Variants in CNTN5 observed in about 807,000 individuals in gnomAD.
The protein encoded by CNTN5 is contactin 5, also known as contactin-5.
CNTN5 carries 77 observed loss-of-function variants against 129.1 expected under a neutral mutation model. The observed-to-expected ratio is 0.60, with a 90% CI of 0.50 to 0.72. The LOEUF (loss-of-function observed/expected upper bound fraction) is 0.72, where lower values mean the gene tolerates loss of function less well. Ranked by LOEUF, CNTN5 falls within the 30% of genes least tolerant of loss-of-function variation. The pLI is 0.00. For missense variants in CNTN5, 1,478 were observed against 1,328.8 expected, an observed-to-expected ratio of 1.11 and a Z score of -1.75; for synonymous variants, 509 against 465.6, an observed-to-expected ratio of 1.09 and a Z score of -1.20.
intron 13 of CNTN5, among the ~76,000 whole-genome samples, chr11:100,142,174 G>C (rs1946716225): frequency 6.6e-6 from 1 of 152,098 alleles, no homozygotes; most frequent in Non-Finnish European, 1.5e-5. Flanking sequence ...CTGGTTCTGG[G>C]ACTTTCAGAC....
chr11:99,614,949 A>ATG (rs201480165), intron 3 of CNTN5, among the ~76,000 whole-genome samples: 13 of 151,052 alleles, frequency 8.6e-5, no homozygotes, highest in East Asian at 3.9e-4. Context: ...ACTGTTGTTT[A>ATG]TGTGTGTGTG....
At chr11:99,572,031 T>C (rs1434598971) in intron 3 of CNTN5, among the ~76,000 whole-genome samples, 1 of 152,226 alleles carries the variant, frequency 6.6e-6, no homozygotes, top group Non-Finnish European at 1.5e-5. Context: ...AATCATTACA[T>C]GGCCCATAGC....
intron 2 of CNTN5, among the ~76,000 whole-genome samples, chr11:99,488,639 G>T (rs778225186): frequency 1.4e-4 from 22 of 152,152 alleles, no homozygotes; most frequent in Non-Finnish European, 2.6e-4. Context: ...TCTGCATCCA[G>T]AACTAGTTAT....
chr11:100,268,594 TA>T (rs1460359387), intron 17 of CNTN5, among the ~76,000 whole-genome samples: 1 of 152,204 alleles, frequency 6.6e-6, no homozygotes, highest in Non-Finnish European at 1.5e-5. Flanking sequence ...GTTTTAGCTA[TA>T]TGGAGGTCAT....
At chr11:99,314,930 T>C (rs1272005614) in intron 1 of CNTN5, among the ~76,000 whole-genome samples, 1 of 148,406 alleles carries the variant, frequency 6.7e-6, no homozygotes, top group Non-Finnish European at 1.5e-5. Flanking sequence ...AAAAATTGCA[T>C]ATTCTTATTC....
intron 3 of CNTN5, among the ~76,000 whole-genome samples, chr11:99,702,331 T>C (rs1490071776): frequency 1.3e-5 from 2 of 150,956 alleles, no homozygotes; most frequent in Non-Finnish European, 3.0e-5. Flanking sequence ...GTTACTAGCC[T>C]TGTCACCAAC....
intron 3 of CNTN5, among the ~76,000 whole-genome samples, chr11:99,635,822 G>A (rs939784173): frequency 6.6e-6 from 1 of 152,028 alleles, no homozygotes; most frequent in Admixed American, 6.6e-5. Context: ...GGGGTTCACA[G>A]CTTTCAGTTT....
rs191186666 is a variant in CNTN5 at position 99,972,744 on chromosome 11, G to A, written c.877+15735G>A. ...TGCACCATCTGGACATACCTAGAGAGGGCCATCTTGTTTGTGGTATTTCCT... is the reference window on the plus strand; with the variant it reads ...TGCACCATCTGGACATACCTAGAGAAGGCCATCTTGTTTGTGGTATTTCCT... On this transcript the variant is annotated intron_variant, in intron 8 of 24. Transcript: ENST00000524871. 2.6e-5 allele frequency among the ~76,000 whole-genome samples: 4 copies of A among 152,264 alleles called. No individual in the cohort carries two copies. The East Asian group carries it at 7.7e-4, about 29-fold the overall frequency.
In CNTN5 at chr11:99,337,500, C is replaced by T. The variant is rs150157463; in HGVS notation, c.-71+12016C>T. Among the ~76,000 whole-genome samples, 978 of 152,310 alleles carry T rather than the reference C, an allele frequency of 6.4e-3. 6 individuals are homozygous for T. The highest frequency in any genetic ancestry group is 0.011 in the Non-Finnish European group (743 of 68,018). On this transcript the variant is annotated intron_variant, in intron 2 of 24. Transcript: ENST00000524871. Reference sequence around the variant, plus strand: ...CCGAATTAATTGCAGCAGGAACACGCCCTTAAGACACAGATTGCTCATACG... The same window carrying T: ...CCGAATTAATTGCAGCAGGAACACGTCCTTAAGACACAGATTGCTCATACG...
intron 3 of CNTN5, among the ~76,000 whole-genome samples, chr11:99,719,196 C>A (rs1367908088): frequency 1.3e-5 from 2 of 151,836 alleles, no homozygotes; most frequent in African/African-American, 4.8e-5. Context: ...GCACACACTT[C>A]TAGTCCCAGC....
chr11:99,233,017 C>G (rs1163478859), intron 1 of CNTN5, among the ~76,000 whole-genome samples: 1 of 152,064 alleles, frequency 6.6e-6, no homozygotes, highest in Non-Finnish European at 1.5e-5. Context: ...CTTTGTTCAG[C>G]CGAGGAGAGG....
intron 2 of CNTN5, among the ~76,000 whole-genome samples, chr11:99,535,280 TG>T (rs1184787715): frequency 2.6e-5 from 4 of 152,164 alleles, no homozygotes; most frequent in Admixed American, 2.6e-4. Flanking sequence ...ACTGTAGCAA[TG>T]GAATGATGGA....
At chr11:99,114,109 C>G (rs903645178) in intron 1 of CNTN5, among the ~76,000 whole-genome samples, 3 of 152,078 alleles carry the variant, frequency 2.0e-5, no homozygotes, top group Middle Eastern at 6.8e-3. Flanking sequence ...ACTAATTGAC[C>G]TTTTGCACTA....
intron 1 of CNTN5, among the ~76,000 whole-genome samples, chr11:99,310,984 T>C (rs1187009459): frequency 1.3e-5 from 2 of 152,128 alleles, no homozygotes; most frequent in Non-Finnish European, 2.9e-5. Context: ...CATGCCGGAA[T>C]GCGGTGGTGC....
intron 9 of CNTN5, among the ~76,000 whole-genome samples, chr11:100,037,998 G>T (rs1277062181): frequency 6.6e-6 from 1 of 151,748 alleles, no homozygotes; most frequent in Non-Finnish European, 1.5e-5. Context: ...GTTATATCTT[G>T]CCTTCTGCTA....
chr11:99,288,511 T>C (rs188423876), intron 1 of CNTN5, among the ~76,000 whole-genome samples: 28 of 152,046 alleles, frequency 1.8e-4, no homozygotes, highest in Non-Finnish European at 7.4e-5. Flanking sequence ...ATGTAATTGA[T>C]CTTAGTGTTA....
intron 3 of CNTN5, among the ~76,000 whole-genome samples, chr11:99,613,384 T>A (rs1950654119): frequency 6.6e-6 from 1 of 152,192 alleles, no homozygotes; most frequent in Non-Finnish European, 1.5e-5. Flanking sequence ...CTCTTTCGCC[T>A]TCCGCCATGT....
At chr11:100,074,384 AG>A (rs1029951706) in intron 13 of CNTN5, 90 bp downstream of exon 13, 13 of 1,085,004 alleles carry the variant, frequency 1.2e-5, no homozygotes, top group African/African-American at 1.6e-5. Context: ...AGAGTCTTGC[AG>A]TACCGTGAGA....
chr11:99,502,929 T>A (rs568704479), intron 2 of CNTN5, among the ~76,000 whole-genome samples: 2 of 152,318 alleles, frequency 1.3e-5, no homozygotes, highest in African/African-American at 4.8e-5. Flanking sequence ...TGACATCATA[T>A]TTCAGTCATT....
Sources: allele counts gnomAD v4.1 joint callset (sites outside exome capture counted in the v4.1 genomes callset), GRCh38; gene constraint gnomAD v4.1.1; transcripts MANE v1.5; gene names NCBI Gene and HGNC (gene_info 2026-07-23, HGNC 2026-07-21).